Variants in PPP2R5C observed in about 807,000 individuals in gnomAD.
PPP2R5C encodes protein phosphatase 2 regulatory subunit B'gamma, also known as serine/threonine-protein phosphatase 2A 56 kDa regulatory subunit gamma isoform.
A neutral mutation model predicts 68.9 loss-of-function variants in PPP2R5C; 7 were observed. The ratio of observed to expected loss-of-function variants is 0.10; its 90% confidence interval spans 0.06 to 0.19. The LOEUF is 0.19. Ranked by LOEUF, PPP2R5C falls within the 10% of genes least tolerant of loss-of-function variation. PPP2R5C has a pLI of 1.00. For missense variants in PPP2R5C, 348 were observed against 641.3 expected (o/e 0.54, Z 4.94); for synonymous variants, 210 against 222.2 (o/e 0.95, Z 0.49).
chr14:101,824,089 C>T (rs2040252304), intron 1 of PPP2R5C: 1 of 1,289,154 alleles, frequency 7.8e-7, no homozygotes, highest in Non-Finnish European at 1.0e-6. Context: ...TGACTTTCCA[C>T]TTGATTTTCG....
At position 101,913,474 on chromosome 14, in the gene PPP2R5C, C is replaced by T. The variant is rs578179417; in HGVS notation, c.1326+1001C>T. On this transcript the variant is annotated intron_variant, in intron 12 of 13. Coordinates refer to ENST00000334743, the Ensembl canonical transcript of PPP2R5C. The surrounding 1 kb of genome is among the most constrained non-coding windows in gnomAD (Gnocchi z 4.1). Reference sequence around the variant, plus strand: ...AATCAGGAAACTCAAATCAGGAAAACGGAATGACATTTCTAATTGTGAGCC... The same window carrying T: ...AATCAGGAAACTCAAATCAGGAAAATGGAATGACATTTCTAATTGTGAGCC... 3.8e-3 allele frequency among the ~76,000 whole-genome samples: 577 copies of T among 152,240 alleles called. 3 individuals are homozygous for T. Among genetic ancestry groups the T allele is most frequent in the Non-Finnish European group, 5.6e-3 (384 of 68,012 alleles).
chr14:101,848,667 C>T (rs745996505), intron 1 of PPP2R5C, among the ~76,000 whole-genome samples: 3 of 152,146 alleles, frequency 2.0e-5, no homozygotes, highest in Admixed American at 6.5e-5. Flanking sequence ...ACGCAGGAAA[C>T]GGCTGACAAT....
At chr14:101,840,482 CAAAA>C (rs10611025) in intron 1 of PPP2R5C, among the ~76,000 whole-genome samples, 5 of 51,860 alleles carry the variant, frequency 9.6e-5, no homozygotes, top group African/African-American at 3.7e-4. Flanking sequence ...CCCCCACCAC[CAAAA>C]AAAAAAAAAA....
At chr14:101,868,635 C>A (rs1262712589) in intron 2 of PPP2R5C, among the ~76,000 whole-genome samples, 1 of 152,102 alleles carries the variant, frequency 6.6e-6, no homozygotes, top group South Asian at 2.1e-4. Flanking sequence ...CTCAGTAAAG[C>A]TGGGTGTTTT....
rs1367959486 is a variant in PPP2R5C at position 101,917,466 on chromosome 14, G to T, written c.1327-365G>T. 6.6e-6 allele frequency among the ~76,000 whole-genome samples: 1 copy of T among 152,156 alleles called. No homozygotes were observed. Among genetic ancestry groups the T allele is most frequent in the Admixed American group, 6.5e-5 (1 of 15,288 alleles). On this transcript the variant is annotated intron_variant, in intron 12 of 13. Coordinates refer to ENST00000334743, the Ensembl canonical transcript of PPP2R5C. The surrounding 1 kb of genome is among the most constrained non-coding windows in gnomAD (Gnocchi z 4.4). ...CAAAGAATGGGCGGCCAGAGGTGAG[G>T]GTTCCAGTGGTGAGACAGCTCCCAC...
chr14:101,893,167 G>A (rs576118401), intron 7 of PPP2R5C, 59 bp downstream of exon 9: 33 of 1,205,404 alleles, frequency 2.7e-5, no homozygotes, highest in African/African-American at 1.5e-4. Flanking sequence ...GATTGAACAC[G>A]AGATAGTGAA....
At chr14:101,866,573 G>A (rs1346572319) in intron 2 of PPP2R5C, among the ~76,000 whole-genome samples, 3 of 152,012 alleles carry the variant, frequency 2.0e-5, no homozygotes, top group Non-Finnish European at 4.4e-5. Flanking sequence ...GGGAGGCTGA[G>A]GCAGGAGAAT....
intron 2 of PPP2R5C, among the ~76,000 whole-genome samples, chr14:101,870,500 C>T (rs78430208): frequency 0.086 from 13,061 of 152,182 alleles, 711 homozygotes; most frequent in East Asian, 0.15. Context: ...TCTGTCCTGT[C>T]GCGTGTTTGT....
chr14:101,891,987 C>T lies in PPP2R5C; in HGVS notation c.690-1013C>T, dbSNP rs1020859515. On this transcript the variant is annotated intron_variant, in intron 6 of 13. Transcript: ENST00000334743. This position sits in a 1 kb window ranked among gnomAD's most constrained non-coding sequence, Gnocchi z 4.9. ...TGTTTTTGTTTTTGAGATAGAGTCTCGCTCTGTCACCGAGGCTGGAGTGCA... is the reference window on the plus strand; with the variant it reads ...TGTTTTTGTTTTTGAGATAGAGTCTTGCTCTGTCACCGAGGCTGGAGTGCA... Among the ~76,000 whole-genome samples the T allele has an allele frequency of 1.4e-4, 22 of 152,162 alleles. No individual in the cohort carries two copies. The highest frequency in any genetic ancestry group is 3.3e-4 in the Admixed American group (5 of 15,274).
exon 14 of PPP2R5C, chr14:101,925,283 G>T: frequency 8.7e-6 from 14 of 1,611,334 alleles, no homozygotes; most frequent in Non-Finnish European, 1.2e-5. Context: ...CCTCCGGGGC[G>T]CCGCGTCGGG....
chr14:101,820,720 TC>T (rs1259074572), intron 1 of PPP2R5C: 1 of 152,196 alleles, frequency 6.6e-6, no homozygotes, highest in Admixed American at 6.5e-5. Flanking sequence ...TGTCGGCAGA[TC>T]CGCCTGTCTT....
chr14:101,767,123 G>A (rs2036899665), intron 2 of PPP2R5C: 1 of 152,180 alleles, frequency 6.6e-6, no homozygotes, highest in Admixed American at 6.5e-5. Flanking sequence ...TGAAGAGAAA[G>A]AACAATCCTC....
Position 101,797,889 on chromosome 14 carries a change from C to T in PPP2R5C, c.259+11706C>T, listed in dbSNP as rs757314697. 2.8e-4 allele frequency among the ~76,000 whole-genome samples: 42 copies of T among 152,212 alleles called. No homozygotes were observed. Among genetic ancestry groups the T allele is most frequent in the Non-Finnish European group, 1.2e-4 (8 of 68,004 alleles). On this transcript the variant is annotated intron_variant, in intron 3 of 14. Transcript: ENST00000328724. The surrounding 1 kb of genome is among the most constrained non-coding windows in gnomAD (Gnocchi z 4.2). ...TCACTTCATCTACTCCACTCACCTACGCTGAGCTTCCCTGTGGACAAGCTC... is the reference window on the plus strand; with the variant it reads ...TCACTTCATCTACTCCACTCACCTATGCTGAGCTTCCCTGTGGACAAGCTC...
chr14:101,848,389 G>C (rs945617391), intron 1 of PPP2R5C, among the ~76,000 whole-genome samples: 6 of 152,080 alleles, frequency 3.9e-5, no homozygotes, highest in African/African-American at 1.4e-4. Context: ...AAATTAGCCA[G>C]GCGTGGTGGC....
intron 2 of PPP2R5C, among the ~76,000 whole-genome samples, chr14:101,764,770 T>G (rs1342122823): frequency 6.6e-6 from 1 of 151,800 alleles, no homozygotes; most frequent in African/African-American, 2.4e-5. Flanking sequence ...AGATGAAATG[T>G]AGGTGCTTTA....
rs1007984200 is a variant in PPP2R5C, at chr14:101,825,097, A to G, written c.94+15061A>G. On this transcript the variant is annotated intron_variant, in intron 1 of 13. Transcript: ENST00000334743. The surrounding 1 kb of genome is among the most constrained non-coding windows in gnomAD (Gnocchi z 4.0). The stretch of plus-strand genomic sequence containing the variant: ...CTCACGCCATCTTCGTCACTACACA[A>G]GGGGAAGTTGGGCTAAGAATAAATT... Among the ~76,000 whole-genome samples the G allele has an allele frequency of 4.6e-5, 7 of 152,162 alleles. No individual in the cohort carries two copies. Among genetic ancestry groups the G allele is most frequent in the African/African-American group, 1.7e-4 (7 of 41,450 alleles).
upstream of PPP2R5C, among the ~76,000 whole-genome samples, chr14:101,807,854 A>G (rs768731874): frequency 3.2e-4 from 48 of 151,408 alleles, no homozygotes; most frequent in Non-Finnish European, 1.6e-4. Flanking sequence ...TATTCCGTAT[A>G]TTATATATAA....
chr14:101,863,079 G>A (rs548851077), intron 2 of PPP2R5C, among the ~76,000 whole-genome samples: 21 of 151,904 alleles, frequency 1.4e-4, no homozygotes, highest in Non-Finnish European at 1.3e-4. Context: ...AGGCCAAGGC[G>A]GGCGGATCAC....
rs566801987 is a variant in PPP2R5C at position 101,915,253 on chromosome 14, T to C, written c.1327-2578T>C. 6.6e-6 allele frequency among the ~76,000 whole-genome samples: 1 copy of C among 152,122 alleles called. No individual in the cohort carries two copies. The highest frequency in any genetic ancestry group is 1.5e-5 in the Non-Finnish European group (1 of 68,026). Reference sequence around the variant, plus strand: ...CACGCCACCATGCCTGGCTAATTTTTGTATTTTTAGTAGAGACGGGGTTTC... The same window carrying C: ...CACGCCACCATGCCTGGCTAATTTTCGTATTTTTAGTAGAGACGGGGTTTC... On this transcript the variant is annotated intron_variant, in intron 12 of 13. Transcript: ENST00000334743. This position sits in a 1 kb window ranked among gnomAD's most constrained non-coding sequence, Gnocchi z 4.2.
Sources: gnomAD v4.1 joint callset for allele counts (sites outside exome capture counted in the v4.1 genomes callset) on GRCh38, gnomAD v4.1.1 for gene constraint, Gnocchi (gnomAD v3.1) non-coding constraint, MANE v1.5 for transcripts, NCBI Gene and HGNC (gene_info 2026-07-23, HGNC 2026-07-21) for gene names.